The following PRKG1 variants were observed in gnomAD, a reference collection of about 807,000 sequenced individuals.
PRKG1 encodes cGMP-dependent protein kinase 1.
PRKG1 carries 35 observed loss-of-function variants against 88.1 expected under a neutral mutation model. The ratio of observed to expected loss-of-function variants is 0.40; its 90% confidence interval spans 0.30 to 0.53. The LOEUF is 0.53. Ranked by LOEUF, PRKG1 falls within the 20% of genes least tolerant of loss-of-function variation. The pLI is 0.59. For synonymous variants in PRKG1, 303 were observed against 292.5 expected, an observed-to-expected ratio of 1.04 and a Z score of -0.37; for missense variants, 540 against 839.8, an observed-to-expected ratio of 0.64 and a Z score of 4.41.
At chr10:52,227,562 C>T (rs1463364474) in intron 9 of PRKG1, among the ~76,000 whole-genome samples, 1 of 152,118 alleles carries the variant, frequency 6.6e-6, no homozygotes, top group African/African-American at 2.4e-5. Flanking sequence ...GCAAATACTA[C>T]ACCATTTTAT....
chr10:52,241,644 G>A (rs1840865496), intron 9 of PRKG1, among the ~76,000 whole-genome samples: 1 of 152,110 alleles, frequency 6.6e-6, no homozygotes, highest in Non-Finnish European at 1.5e-5. Context: ...TTCCTATTCA[G>A]AAGATCGCTG....
intron 1 of PRKG1, among the ~76,000 whole-genome samples, chr10:51,104,730 A>ATTTG (rs1352603743): frequency 6.8e-6 from 1 of 146,890 alleles, no homozygotes; most frequent in Non-Finnish European, 1.5e-5. Flanking sequence ...TTATTTATTT[A>ATTTG]TTTATTTATT....
intron 12 of PRKG1, 91 bp from the exon 13 acceptor site, chr10:52,280,698 A>C: frequency 7.1e-7 from 1 of 1,414,892 alleles, no homozygotes; most frequent in South Asian, 1.3e-5. Context: ...AAATTTTGGC[A>C]AAGGAATATA....
intron 3 of PRKG1, among the ~76,000 whole-genome samples, chr10:51,628,786 C>A (rs1314482592): frequency 6.6e-6 from 1 of 151,096 alleles, no homozygotes; most frequent in Non-Finnish European, 1.5e-5. Context: ...GGTGAAACCC[C>A]GTCTCTACTA....
chr10:52,199,591 T>G (rs1413711495), intron 9 of PRKG1, among the ~76,000 whole-genome samples: 1 of 152,148 alleles, frequency 6.6e-6, no homozygotes, highest in Non-Finnish European at 1.5e-5. Context: ...AACGCTTCCA[T>G]AAATAAGAGG....
intron 1 of PRKG1, among the ~76,000 whole-genome samples, chr10:51,145,348 A>ATT (rs149164748): frequency 5.3e-5 from 8 of 151,920 alleles, no homozygotes; most frequent in African/African-American, 1.2e-4. Context: ...AATATCTGAC[A>ATT]TTTTTTTTCT....
At chr10:51,657,591 T>C (rs1336273460) in intron 3 of PRKG1, among the ~76,000 whole-genome samples, 1 of 152,164 alleles carries the variant, frequency 6.6e-6, no homozygotes, top group Non-Finnish European at 1.5e-5. Context: ...CAGCATTCTT[T>C]ATTTTGTGGT....
chr10:51,136,044 C>A (rs1845678536), intron 1 of PRKG1, among the ~76,000 whole-genome samples: 1 of 151,210 alleles, frequency 6.6e-6, no homozygotes, highest in South Asian at 2.1e-4. Flanking sequence ...GTGCAGCACA[C>A]CAGCATGACA....
At chr10:51,071,577 G>T (rs1312609402), upstream of PRKG1, among the ~76,000 whole-genome samples, 1 of 152,116 alleles carries the variant, frequency 6.6e-6, no homozygotes, top group Non-Finnish European at 1.5e-5. Context: ...TATATCATGA[G>T]ATGTAAATTT....
chr10:52,176,386 A>G (rs1294973559), intron 9 of PRKG1, among the ~76,000 whole-genome samples: 1 of 151,638 alleles, frequency 6.6e-6, no homozygotes, highest in Admixed American at 6.6e-5. Context: ...GTCTTTTATT[A>G]TGCCAGTTTC....
chr10:51,271,994 C>G (rs1839991583), intron 2 of PRKG1, among the ~76,000 whole-genome samples: 1 of 152,208 alleles, frequency 6.6e-6, no homozygotes, highest in African/African-American at 2.4e-5. Context: ...AATGGCCACA[C>G]TGTCCTCCAC....
chr10:51,212,509 C>T (rs1479838046), intron 2 of PRKG1, among the ~76,000 whole-genome samples: 13 of 152,024 alleles, frequency 8.6e-5, no homozygotes, highest in African/African-American at 2.9e-4. Context: ...CAAAAGAAAC[C>T]ACCATCAGAG....
chr10:52,100,044 A>C (rs1486001949), intron 7 of PRKG1, among the ~76,000 whole-genome samples: 1 of 152,188 alleles, frequency 6.6e-6, no homozygotes, highest in African/African-American at 2.4e-5. Context: ...GAGATTTCGT[A>C]AGCCAAAAAT....
intron 3 of PRKG1, among the ~76,000 whole-genome samples, chr10:51,783,004 G>A (rs1220620763): frequency 1.3e-5 from 2 of 152,000 alleles, no homozygotes; most frequent in Non-Finnish European, 2.9e-5. Flanking sequence ...ACAGTAGTAA[G>A]ATTGCCAGGT....
intron 2 of PRKG1, among the ~76,000 whole-genome samples, chr10:51,222,131 C>CCGACCCCA (rs1838555890): frequency 8.0e-6 from 1 of 124,520 alleles, no homozygotes; most frequent in Non-Finnish European, 1.7e-5. Context: ...CGCCCCCCCC[C>CCGACCCCA]GACCCCAGCC....
chr10:52,265,103 T>A (rs1841539138), intron 10 of PRKG1, among the ~76,000 whole-genome samples: 1 of 151,928 alleles, frequency 6.6e-6, no homozygotes, highest in Non-Finnish European at 1.5e-5. Flanking sequence ...CTGGAATGAG[T>A]TTTTAAAGAT....
rs575024539 is a variant in PRKG1, at chr10:51,657,791, A to G, written c.593-146794A>G. On this transcript the variant is annotated intron_variant, in intron 3 of 17. Transcript: ENST00000373980. ...CCATTTTTAACAGGCTTCCAACAGG[A>G]GAATAAAGTAGAGACTTCCTGGTGA... is the stretch of plus-strand genomic sequence containing the variant. 4.6e-5 allele frequency among the ~76,000 whole-genome samples: 7 copies of G among 152,248 alleles called. No individual in the cohort carries two copies. In the South Asian group the frequency reaches 1.4e-3, roughly 32 times the overall value.
intron 1 of PRKG1, among the ~76,000 whole-genome samples, chr10:51,002,755 C>G (rs1257648337): frequency 6.6e-6 from 1 of 152,142 alleles, no homozygotes; most frequent in Admixed American, 6.5e-5. Flanking sequence ...GAGAAATGTA[C>G]TTATTTTGGT....
At chr10:52,214,308 T>A (rs1252948750) in intron 9 of PRKG1, among the ~76,000 whole-genome samples, 1 of 152,150 alleles carries the variant, frequency 6.6e-6, no homozygotes, top group Non-Finnish European at 1.5e-5. Context: ...TGGGTGCACA[T>A]CTCTCACTGT....
Sources: allele counts gnomAD v4.1 joint callset (sites outside exome capture counted in the v4.1 genomes callset), GRCh38; gene constraint gnomAD v4.1.1; transcripts MANE v1.5; gene names NCBI Gene and HGNC (gene_info 2026-07-23, HGNC 2026-07-21).